The following MCHR2 variants were observed in gnomAD, a reference collection of about 807,000 sequenced individuals.
MCHR2 encodes the protein melanin concentrating hormone receptor 2.
MCHR2 carries 15 observed loss-of-function variants against 24.8 expected under a neutral mutation model. That is an observed-to-expected ratio of 0.60 (90% CI 0.40 to 0.93). The LOEUF is 0.93. Among genes scored for constraint, MCHR2 ranks in the 40% least tolerant of loss-of-function variants. The pLI, the probability that MCHR2 is intolerant of heterozygous loss-of-function variation, is 0.00. For synonymous variants in MCHR2, 151 were observed against 147.6 expected (o/e 1.02, Z -0.17); for missense variants, 386 against 408.7 (o/e 0.94, Z 0.48).
At chr6:99,990,590 T>C (rs1417251925) in intron 1 of MCHR2, among the ~76,000 whole-genome samples, 1 of 152,198 alleles carries the variant, frequency 6.6e-6, no homozygotes, top group East Asian at 1.9e-4. Flanking sequence ...AAATACACAA[T>C]TGTTACTGAG....
At chr6:99,941,941 A>G (rs1337463291) in intron 4 of MCHR2, among the ~76,000 whole-genome samples, 2 of 152,080 alleles carry the variant, frequency 1.3e-5, no homozygotes, top group African/African-American at 4.8e-5. Flanking sequence ...TATCTATTTG[A>G]CAAGTGATGG....
chr6:99,980,882 C>G (rs74695705), intron 1 of MCHR2, among the ~76,000 whole-genome samples: 5,617 of 152,254 alleles, frequency 0.037, 133 homozygotes, highest in Non-Finnish European at 0.05. Context: ...CATTCAGACA[C>G]CACAATCCCA....
chr6:99,945,991 G>A (rs909439675), intron 3 of MCHR2, among the ~76,000 whole-genome samples: 7 of 151,412 alleles, frequency 4.6e-5, no homozygotes, highest in African/African-American at 1.7e-4. Context: ...TTCATTTACA[G>A]TAAGAGATTT....
At chr6:99,928,347 C>G (rs1449185922) in intron 5 of MCHR2, among the ~76,000 whole-genome samples, 8 of 152,102 alleles carry the variant, frequency 5.3e-5, no homozygotes, top group Non-Finnish European at 1.5e-5. Context: ...TGACGCTGGC[C>G]TCATAAAATG....
chr6:99,972,431 G>A (rs562838938), intron 1 of MCHR2, among the ~76,000 whole-genome samples: 80 of 152,048 alleles, frequency 5.3e-4, no homozygotes, highest in African/African-American at 1.2e-3. Context: ...TTTTTATTGC[G>A]TCTATTTGAT....
chr6:99,983,482 TC>T (rs1775713284), intron 1 of MCHR2, among the ~76,000 whole-genome samples: 1 of 152,216 alleles, frequency 6.6e-6, no homozygotes. Context: ...CTGTGAACTT[TC>T]TGAAGCAAGC....
Position 99,956,063 on chromosome 6 carries a change from C to T in MCHR2, c.85G>A (p.Ala29Thr), listed in dbSNP as rs775172603. The T allele has an allele frequency of 1.2e-6, 2 of 1,613,252 alleles. No individual in the cohort carries two copies. The highest frequency in any genetic ancestry group is 2.7e-5 in the African/African-American group (2 of 74,836). The change falls in exon 2 of 6, where the codon GCC becomes ACC. Residue 29 changes from alanine to threonine, a missense_variant. Ala to Thr is a moderately conservative substitution (Grantham distance 58, BLOSUM62 0). Transcript: ENST00000281806. ...SWNKEFAYQT[A>T]SVVDTVILPS... ...AGGATGACTGTATCTACCACACTGG[C>T]AGTTTGATAAGCAAACTCTTTATTC...
chr6:99,957,331 T>C (rs1775083785), intron 1 of MCHR2, among the ~76,000 whole-genome samples: 1 of 152,150 alleles, frequency 6.6e-6, no homozygotes, highest in Admixed American at 6.6e-5. Context: ...TTTTTTATCA[T>C]CAGTAGATTT....
intron 5 of MCHR2, among the ~76,000 whole-genome samples, chr6:99,928,896 C>G (rs983889252): frequency 6.6e-6 from 1 of 152,048 alleles, no homozygotes; most frequent in Non-Finnish European, 1.5e-5. Context: ...AATGTGTTTG[C>G]TCTTGGTTTT....
At chr6:99,992,302 C>G (rs1237398117) in intron 1 of MCHR2, among the ~76,000 whole-genome samples, 1 of 152,206 alleles carries the variant, frequency 6.6e-6, no homozygotes, top group East Asian at 1.9e-4. Context: ...TCCCGCACAC[C>G]TGACTCTAGG....
intron 5 of MCHR2, among the ~76,000 whole-genome samples, chr6:99,931,805 C>T (rs960372995): frequency 6.6e-6 from 1 of 152,200 alleles, no homozygotes; most frequent in African/African-American, 2.4e-5. Flanking sequence ...GAGGCAATGC[C>T]TTGCCCTGCT....
intron 1 of MCHR2, among the ~76,000 whole-genome samples, chr6:99,984,746 C>G (rs1775740152): frequency 6.6e-6 from 1 of 152,070 alleles, no homozygotes; most frequent in South Asian, 2.1e-4. Context: ...AAGTTAAAAG[C>G]ATTACCCCTT....
intron 1 of MCHR2, among the ~76,000 whole-genome samples, chr6:99,965,530 A>C (rs1480878188): frequency 1.3e-5 from 2 of 152,168 alleles, no homozygotes; most frequent in East Asian, 1.9e-4. Context: ...AAAAGTCAAA[A>C]TGATTAATTT....
At chr6:99,977,726 T>C (rs1315261310) in intron 1 of MCHR2, among the ~76,000 whole-genome samples, 1 of 152,110 alleles carries the variant, frequency 6.6e-6, no homozygotes, top group Non-Finnish European at 1.5e-5. Context: ...TCGGTTCCAC[T>C]TATTCTTATC....
chr6:99,931,074 G>A (rs566251090), intron 5 of MCHR2, among the ~76,000 whole-genome samples: 45 of 152,304 alleles, frequency 3.0e-4, no homozygotes, highest in African/African-American at 1.1e-3. Context: ...CTCAGCTGCA[G>A]GTCTGTTGGA....
At chr6:99,934,841 C>A (rs190042947) in intron 4 of MCHR2, among the ~76,000 whole-genome samples, 2 of 152,110 alleles carry the variant, frequency 1.3e-5, no homozygotes, top group East Asian at 3.9e-4. Context: ...ATATAGTAGG[C>A]ACTGTTCTAA....
At chr6:99,978,371 C>A (rs1242295671) in intron 1 of MCHR2, among the ~76,000 whole-genome samples, 2 of 150,726 alleles carry the variant, frequency 1.3e-5, no homozygotes, top group African/African-American at 4.9e-5. Flanking sequence ...ACATTTCCTA[C>A]ACTTGCCCAT....
intron 4 of MCHR2, among the ~76,000 whole-genome samples, chr6:99,935,387 T>C (rs549277108): frequency 1.3e-5 from 2 of 152,124 alleles, no homozygotes; most frequent in Admixed American, 1.3e-4. Context: ...TTTCCTGGCC[T>C]CTGGTAACCA....
At chr6:99,958,810 C>T (rs551012160) in intron 1 of MCHR2, among the ~76,000 whole-genome samples, 4 of 152,258 alleles carry the variant, frequency 2.6e-5, no homozygotes, top group East Asian at 1.9e-4. Flanking sequence ...CTGGCTTCTC[C>T]CTGGGGAGAG....
Sources: allele counts gnomAD v4.1 joint callset (sites outside exome capture counted in the v4.1 genomes callset), GRCh38; gene constraint gnomAD v4.1.1; transcripts MANE v1.5; gene names NCBI Gene and HGNC (gene_info 2026-07-23, HGNC 2026-07-21).